GAS7: variants seen among roughly 807,000 people sequenced by gnomAD.
GAS7 encodes growth arrest specific 7.
Under a neutral mutation model 71.1 loss-of-function variants are expected in GAS7, and 28 were observed. The ratio of observed to expected loss-of-function variants is 0.39; its 90% CI spans 0.29 to 0.54. The LOEUF (loss-of-function observed/expected upper bound fraction) is 0.54, where lower values mean the gene tolerates loss of function less well. Among genes scored for constraint, GAS7 ranks in the 20% least tolerant of loss-of-function variants. The pLI, the probability that GAS7 is intolerant of heterozygous loss-of-function variation, is 0.62. For synonymous variants in GAS7, 258 were observed against 245.8 expected (o/e 1.05, Z -0.46); for missense variants, 436 against 627.8 (o/e 0.69, Z 3.27).
chr17:10,132,982 G>C (rs976465749), intron 1 of GAS7, among the ~76,000 whole-genome samples: 1 of 151,632 alleles, frequency 6.6e-6, no homozygotes, highest in African/African-American at 2.4e-5. Context: ...CCTCTGACTT[G>C]GTCTTTCTCC....
At chr17:10,136,277 A>T (rs146325564) in intron 1 of GAS7, among the ~76,000 whole-genome samples, 31 of 152,154 alleles carry the variant, frequency 2.0e-4, no homozygotes, top group African/African-American at 7.5e-4. Flanking sequence ...CAAACCATGA[A>T]ATCTGTTTCT....
At position 9,915,285 on chromosome 17, in the gene GAS7, T is replaced by C. The variant is rs75330734; in HGVS notation, c.*1943A>G. 12,553 of 230,752 alleles carry C rather than the reference T, an allele frequency of 0.054. 414 individuals carry two copies. Among genetic ancestry groups the C allele is most frequent in the East Asian group, 0.08 (1,297 of 16,136 alleles). 14.3% of individuals were successfully genotyped at this position (230,752 alleles called of 1,614,324 possible). A position where few individuals can be genotyped will look rare whatever the true frequency, so the allele number is the denominator to read the frequency against. On this transcript the variant is annotated 3_prime_UTR_variant, in exon 14 of 14. Coordinates refer to ENST00000432992, the MANE Select transcript of GAS7 (RefSeq NM_201433.2). Reference sequence around the variant, plus strand: ...AAATATCTTGTTAATAACAAGGCTATTGGCTTTGAATGTTTGGAAATCATC... The same window carrying C: ...AAATATCTTGTTAATAACAAGGCTACTGGCTTTGAATGTTTGGAAATCATC...
chr17:10,175,007 G>C (rs572530871), intron 1 of GAS7, among the ~76,000 whole-genome samples: 1 of 152,156 alleles, frequency 6.6e-6, no homozygotes, highest in Admixed American at 6.5e-5. Context: ...CACCACGCCT[G>C]GCTAATTTTT....
chr17:10,084,990 G>A (rs1265234181), intron 1 of GAS7, among the ~76,000 whole-genome samples: 1 of 152,140 alleles, frequency 6.6e-6, no homozygotes, highest in Non-Finnish European at 1.5e-5. Context: ...GCAAGAAAGG[G>A]ATGCATGGAA....
intron 1 of GAS7, among the ~76,000 whole-genome samples, chr17:10,071,409 G>A (rs975143329): frequency 3.9e-5 from 6 of 152,144 alleles, no homozygotes; most frequent in African/African-American, 1.4e-4. Flanking sequence ...CAGAAAATGG[G>A]TGAAGGCAAA....
In GAS7 at chr17:10,063,882, CT is replaced by C. The variant is rs142941988; in HGVS notation, c.184-43986del. On this transcript the variant is annotated intron_variant, in intron 1 of 13. Coordinates refer to ENST00000432992, the MANE Select transcript of GAS7 (RefSeq NM_201433.2). ...GTGGTGAGGGGGGCAGAGGAAGCAT[CT>C]TTTTTTCATCCAGCCACAGCAGTTT... Among the ~76,000 whole-genome samples the C allele has an allele frequency of 7.9e-5, 12 of 152,188 alleles. 1 individual carries two copies. Among genetic ancestry groups the C allele is most frequent in the Non-Finnish European group, 1.5e-4 (10 of 68,022 alleles).
intron 1 of GAS7, among the ~76,000 whole-genome samples, chr17:10,188,245 G>GAA (rs112320102): frequency 4.2e-5 from 6 of 143,724 alleles, no homozygotes; most frequent in African/African-American, 1.3e-4. Context: ...TCCACCTCAA[G>GAA]AAAAAAAAAA....
chr17:9,967,510 C>A (rs1002966737), intron 4 of GAS7, among the ~76,000 whole-genome samples: 1 of 152,148 alleles, frequency 6.6e-6, no homozygotes, highest in Non-Finnish European at 1.5e-5. Flanking sequence ...GACAGAGCCA[C>A]CGTACGTTTT....
At chr17:10,177,033 C>T (rs1035232200) in intron 1 of GAS7, among the ~76,000 whole-genome samples, 2 of 152,146 alleles carry the variant, frequency 1.3e-5, no homozygotes, top group African/African-American at 4.8e-5. Context: ...TAGGAAGTGG[C>T]GTTCCTGGCC....
At chr17:10,171,887 T>G (rs2074337401) in intron 1 of GAS7, among the ~76,000 whole-genome samples, 1 of 152,152 alleles carries the variant, frequency 6.6e-6, no homozygotes, top group Non-Finnish European at 1.5e-5. Context: ...AAGTGACGTT[T>G]CAACACACAC....
chr17:10,018,476 A>G (rs2072127704), intron 2 of GAS7, among the ~76,000 whole-genome samples: 1 of 152,214 alleles, frequency 6.6e-6, no homozygotes, highest in Non-Finnish European at 1.5e-5. Context: ...TGTTGCATAC[A>G]TAGACACACT....
At chr17:9,937,298 G>T (rs528773891) in intron 8 of GAS7, among the ~76,000 whole-genome samples, 1 of 152,356 alleles carries the variant, frequency 6.6e-6, no homozygotes, top group African/African-American at 2.4e-5. Flanking sequence ...TGGACTGCTC[G>T]GGTGAGGAGC....
intron 2 of GAS7, among the ~76,000 whole-genome samples, chr17:9,988,583 T>G (rs2070727840): frequency 6.6e-6 from 1 of 151,980 alleles, no homozygotes; most frequent in Non-Finnish European, 1.5e-5. Context: ...TAAAAGTAAA[T>G]GGCTGAGGCA....
At chr17:9,943,262 G>C (rs1717789907) in intron 6 of GAS7, 26 bp from the exon 7 acceptor site, 1 of 1,322,096 alleles carries the variant, frequency 7.6e-7, no homozygotes, top group Admixed American at 1.7e-5. Flanking sequence ...AAGCACAAGA[G>C]TTTAGGGCAC....
At chr17:9,999,394 T>C (rs1315735851) in intron 2 of GAS7, among the ~76,000 whole-genome samples, 1 of 152,100 alleles carries the variant, frequency 6.6e-6, no homozygotes, top group Non-Finnish European at 1.5e-5. Context: ...GGTGCATGCC[T>C]GTAATCCCAC....
intron 1 of GAS7, among the ~76,000 whole-genome samples, chr17:10,076,318 G>A (rs185626563): frequency 1.3e-5 from 1 of 75,484 alleles, no homozygotes; most frequent in East Asian, 4.6e-4. Flanking sequence ...GGAGAAGGGA[G>A]GGGAGGGGAA....
At chr17:10,140,593 T>C (rs527357651) in intron 1 of GAS7, among the ~76,000 whole-genome samples, 15 of 146,876 alleles carry the variant, frequency 1.0e-4, no homozygotes, top group Non-Finnish European at 2.0e-4. Flanking sequence ...TGTATGTGTC[T>C]ACAACTGCAT....
intron 1 of GAS7, among the ~76,000 whole-genome samples, chr17:10,123,107 C>T (rs1262651791): frequency 2.6e-5 from 4 of 152,180 alleles, no homozygotes; most frequent in Non-Finnish European, 4.4e-5. Flanking sequence ...TGCTGGGATT[C>T]CAGGCATGAG....
At chr17:10,005,050 T>TATATATATATATATATACAC (rs1296844463) in intron 2 of GAS7, among the ~76,000 whole-genome samples, 1 of 150,080 alleles carries the variant, frequency 6.7e-6, no homozygotes, top group African/African-American at 2.5e-5. Context: ...TACATATATA[T>TATATATATATATATATACAC]ACACATATAT....
Sources: allele counts gnomAD v4.1 joint callset (sites outside exome capture counted in the v4.1 genomes callset), GRCh38; gene constraint gnomAD v4.1.1; transcripts MANE v1.5; gene names NCBI Gene and HGNC (gene_info 2026-07-23, HGNC 2026-07-21).